Variants in HPSE2 observed in about 807,000 individuals in gnomAD.
HPSE2 encodes inactive heparanase-2.
Under a neutral mutation model 60.5 loss-of-function variants are expected in HPSE2, and 38 were observed. The ratio of observed to expected loss-of-function variants is 0.63; its 90% CI spans 0.48 to 0.82. The LOEUF (loss-of-function observed/expected upper bound fraction) is 0.82, where lower values mean the gene tolerates loss of function less well. Ranked by LOEUF, HPSE2 falls within the 40% of genes least tolerant of loss-of-function variation. The pLI is 0.00. For missense variants in HPSE2, 713 were observed against 740.4 expected, an observed-to-expected ratio of 0.96 and a Z score of 0.43; for synonymous variants, 295 against 293.2, an observed-to-expected ratio of 1.01 and a Z score of -0.06.
At chr10:98,620,391 C>G (rs1413871877) in intron 8 of HPSE2, among the ~76,000 whole-genome samples, 1 of 152,196 alleles carries the variant, frequency 6.6e-6, no homozygotes, top group Non-Finnish European at 1.5e-5. Context: ...TTACTATAAT[C>G]TTTGCTCTGA....
intron 3 of HPSE2, among the ~76,000 whole-genome samples, chr10:99,059,917 C>T (rs1958196898): frequency 6.6e-6 from 1 of 151,954 alleles, no homozygotes; most frequent in Non-Finnish European, 1.5e-5. Flanking sequence ...AAATACTTCA[C>T]ATAATTCAAC....
At chr10:98,923,584 T>C (rs1455253672) in intron 3 of HPSE2, among the ~76,000 whole-genome samples, 1 of 152,088 alleles carries the variant, frequency 6.6e-6, no homozygotes, top group African/African-American at 2.4e-5. Flanking sequence ...CATTCTTTTT[T>C]ATTCTTTTTC....
At chr10:98,931,473 A>C (rs11189881) in intron 3 of HPSE2, among the ~76,000 whole-genome samples, 1 of 143,284 alleles carries the variant, frequency 7.0e-6, no homozygotes, top group African/African-American at 2.8e-5. Flanking sequence ...GTTCCATATA[A>C]ATTTTAAAAG....
At chr10:98,583,791 A>G in intron 9 of HPSE2, among the ~76,000 whole-genome samples, 1 of 152,214 alleles carries the variant, frequency 6.6e-6, no homozygotes, top group East Asian at 1.9e-4. Flanking sequence ...GACATTTCAT[A>G]TAGCATAATT....
At chr10:99,298,681 C>CT in the HPSE2 span, among the ~76,000 whole-genome samples, 2,815 of 122,334 alleles carry the variant, frequency 0.023, 97 homozygotes, top group East Asian at 0.17. Context: ...TTTTTTTTTT[C>CT]TTTTTTTTTT....
intron 9 of HPSE2, among the ~76,000 whole-genome samples, chr10:98,506,911 T>G (rs1275097746): frequency 6.6e-6 from 1 of 152,188 alleles, no homozygotes; most frequent in Non-Finnish European, 1.5e-5. Context: ...GAAGCCTTCA[T>G]TTTTTACTCC....
At chr10:98,460,376 CA>C (rs35507796) in intron 11 of HPSE2, among the ~76,000 whole-genome samples, 80,217 of 151,906 alleles carry the variant, frequency 0.53, 21,506 homozygotes, top group African/African-American at 0.62. Context: ...CCTATAATCT[CA>C]GCATTTTGGG....
At chr10:98,511,755 C>T (rs1942415484) in intron 9 of HPSE2, among the ~76,000 whole-genome samples, 1 of 152,106 alleles carries the variant, frequency 6.6e-6, no homozygotes, top group African/African-American at 2.4e-5. Context: ...TTAAGATTCA[C>T]CTCCTGAAGC....
intron 3 of HPSE2, among the ~76,000 whole-genome samples, chr10:98,789,797 G>A (rs1950617860): frequency 6.6e-6 from 1 of 152,154 alleles, no homozygotes; most frequent in Admixed American, 6.5e-5. Context: ...AAGGCTAATG[G>A]CTAGAGTTGC....
At chr10:98,604,315 A>C (rs1435858592) in intron 9 of HPSE2, among the ~76,000 whole-genome samples, 2 of 152,160 alleles carry the variant, frequency 1.3e-5, no homozygotes, top group East Asian at 3.9e-4. Flanking sequence ...CTAAAAAAAA[A>C]AAATGCTAGA....
intron 2 of HPSE2, among the ~76,000 whole-genome samples, chr10:99,185,860 C>T (rs1382584638): frequency 2.7e-5 from 4 of 150,046 alleles, no homozygotes; most frequent in Non-Finnish European, 5.9e-5. Flanking sequence ...ACAATACAAG[C>T]AAGAGAAGAT....
intron 5 of HPSE2, among the ~76,000 whole-genome samples, chr10:98,709,891 T>C (rs1169505484): frequency 6.8e-6 from 1 of 146,516 alleles, no homozygotes; most frequent in Non-Finnish European, 1.5e-5. Flanking sequence ...TTTCTGAATT[T>C]TGCTCCCAGG....
intron 6 of HPSE2, among the ~76,000 whole-genome samples, chr10:98,653,119 A>T (rs1210897067): frequency 6.6e-6 from 1 of 152,182 alleles, no homozygotes; most frequent in East Asian, 1.9e-4. Context: ...GGTGCTCTTT[A>T]TCCCTGTTAA....
intron 3 of HPSE2, among the ~76,000 whole-genome samples, chr10:98,750,649 G>A (rs1949738073): frequency 6.6e-6 from 1 of 152,040 alleles, no homozygotes; most frequent in Non-Finnish European, 1.5e-5. Context: ...GGAATGTGGT[G>A]TGTGAGAAAA....
At chr10:98,985,084 A>G (rs1956307003) in intron 3 of HPSE2, among the ~76,000 whole-genome samples, 1 of 152,254 alleles carries the variant, frequency 6.6e-6, no homozygotes, top group Non-Finnish European at 1.5e-5. Context: ...ATTATCCAGG[A>G]GAATTTCCCC....
chr10:98,743,499 C>T (rs1433898363), intron 4 of HPSE2, among the ~76,000 whole-genome samples: 1 of 152,180 alleles, frequency 6.6e-6, no homozygotes, highest in Non-Finnish European at 1.5e-5. Flanking sequence ...AAGCTCTTTT[C>T]AATTATTATT....
At chr10:98,893,455 G>C (rs1953395664) in intron 3 of HPSE2, among the ~76,000 whole-genome samples, 1 of 152,102 alleles carries the variant, frequency 6.6e-6, no homozygotes, top group South Asian at 2.1e-4. Context: ...TTTTCCTAAA[G>C]ATAAAAGAGT....
chr10:98,561,883 A>G (rs1384383197), intron 9 of HPSE2, among the ~76,000 whole-genome samples: 1 of 152,092 alleles, frequency 6.6e-6, no homozygotes, highest in Non-Finnish European at 1.5e-5. Context: ...AAACCCAACA[A>G]CAAAGAAAAA....
chr10:98,945,023 A>T (rs1480618251), intron 3 of HPSE2, among the ~76,000 whole-genome samples: 1 of 152,184 alleles, frequency 6.6e-6, no homozygotes, highest in Non-Finnish European at 1.5e-5. Flanking sequence ...ATGGTTGCTC[A>T]ATCAACTGCA....
Sources: allele counts gnomAD v4.1 joint callset (sites outside exome capture counted in the v4.1 genomes callset), GRCh38; gene constraint gnomAD v4.1.1; transcripts MANE v1.5; gene names NCBI Gene and HGNC (gene_info 2026-07-23, HGNC 2026-07-21).